MIS18BP1: variants seen among roughly 807,000 people sequenced by gnomAD.
MIS18BP1 encodes mis18-binding protein 1.
A neutral mutation model predicts 116.1 loss-of-function variants in MIS18BP1; 72 were observed. The observed-to-expected ratio is 0.62, with a 90% CI of 0.51 to 0.75. The LOEUF is 0.75. Ranked by LOEUF, MIS18BP1 falls within the 30% of genes least tolerant of loss-of-function variation. MIS18BP1 has a pLI of 0.00. For synonymous variants in MIS18BP1, 386 were observed against 427.0 expected, an observed-to-expected ratio of 0.90 and a Z score of 1.18; for missense variants, 1,363 against 1,303.2, an observed-to-expected ratio of 1.05 and a Z score of -0.71.
At chr14:45,220,388 C>A (rs559211469) in intron 11 of MIS18BP1, among the ~76,000 whole-genome samples, 1 of 152,102 alleles carries the variant, frequency 6.6e-6, no homozygotes, top group South Asian at 2.1e-4. Context: ...TGTGTCCCTA[C>A]CCAAGACTCA....
At chr14:45,221,305 C>T (rs751857506) in intron 11 of MIS18BP1, among the ~76,000 whole-genome samples, 3 of 151,904 alleles carry the variant, frequency 2.0e-5, no homozygotes, top group Non-Finnish European at 4.4e-5. Context: ...GGCGTGGTCG[C>T]GGGCGCCTGT....
intron 7 of MIS18BP1, 86 bp from the exon 8 acceptor site, chr14:45,231,384 C>T: frequency 8.2e-7 from 1 of 1,212,628 alleles, no homozygotes; most frequent in Non-Finnish European, 1.1e-6. Context: ...AATAAAAACC[C>T]CTCACATAAA....
intron 1 of MIS18BP1, among the ~76,000 whole-genome samples, chr14:45,251,977 T>C (rs1388441552): frequency 6.6e-6 from 1 of 152,230 alleles, no homozygotes; most frequent in Non-Finnish European, 1.5e-5. Flanking sequence ...ATTGCCGATA[T>C]TTACTGAATA....
chr14:45,240,188 AAAAC>A (rs1400436836), intron 4 of MIS18BP1, among the ~76,000 whole-genome samples: 1 of 151,910 alleles, frequency 6.6e-6, no homozygotes, highest in African/African-American at 2.4e-5. Flanking sequence ...TGTAGGTAGA[AAAAC>A]AATTTCTAGG....
At position 45,246,962 on chromosome 14, in the gene MIS18BP1, C is replaced by G. The variant is rs368740646; in HGVS notation, c.325G>C (p.Glu109Gln). Residue 109 changes from glutamate (E) to glutamine (Q), a missense_variant, in exon 2 of 17, where the codon GAA becomes CAA. Coordinates refer to ENST00000310806, the MANE Select transcript of MIS18BP1 (RefSeq NM_018353.5). The part of the protein sequence containing the change: ...KDGLKNKANY[E>Q]SPGKIFLRMK... ...CTTAGAAATATTTTTCCTGGTGATT[C>G]ATAGTTTGCTTTATTTTTTAATCCA... 1.9e-5 allele frequency: 30 copies of G among 1,607,788 alleles called. No homozygotes were observed. Among genetic ancestry groups the G allele is most frequent in the Non-Finnish European group, 2.5e-5 (30 of 1,178,640 alleles).
chr14:45,242,473 T>G lies in MIS18BP1; in HGVS notation c.704A>C (p.Glu235Ala). The G allele has an allele frequency of 6.3e-7, 1 of 1,598,940 alleles. No individual in the cohort carries two copies. Among genetic ancestry groups the G allele is most frequent in the Non-Finnish European group, 8.5e-7 (1 of 1,176,110 alleles). ...NQEQENFLAVEARNKTLTRAQ... is the reference protein window; with the variant it reads ...NQEQENFLAVAARNKTLTRAQ... The stretch of plus-strand genomic sequence containing the variant: ...TCTAGTTAATGTCTTGTTTCGGGCT[T>G]CTACAGCCAAAAAATTTTCCTGTTC... Residue 235 changes from glutamate (E) to alanine (A), a missense_variant, in exon 4 of 17, where the codon GAA becomes GCA. Glu to Ala is a moderately radical substitution (Grantham distance 107). Coordinates refer to ENST00000310806, the MANE Select transcript of MIS18BP1 (RefSeq NM_018353.5).
Position 45,224,704 on chromosome 14 carries a change from G to C in MIS18BP1, c.1883C>G (p.Ser628Ter), listed in dbSNP as rs1183551646. ...TTCATCTGAGAAAAACTGTTCCCTT[G>C]AGGTTAGAATATCAATGGATACATC... ...ELDVSIDILTSREQFFSDEER... is the reference protein window; with the variant it reads ...ELDVSIDILT Residue 628 changes from serine (S) to a stop codon, truncating the protein, a stop_gained, in exon 11 of 17, where the codon TCA (serine) becomes TGA (stop). Transcript: ENST00000310806. LOFTEE classifies it high-confidence loss of function. 6.2e-7 allele frequency: 1 copy of C among 1,605,766 alleles called. No individual in the cohort carries two copies. The highest frequency in any genetic ancestry group is 1.7e-5 in the Admixed American group (1 of 57,956).
intron 13 of MIS18BP1, 102 bp from the exon 14 acceptor site, chr14:45,210,630 C>G: frequency 1.4e-6 from 2 of 1,400,850 alleles, no homozygotes; most frequent in Non-Finnish European, 9.9e-7. Flanking sequence ...CTTCTTGTAA[C>G]TTTCCAAGTT....
rs773316526 is a variant in MIS18BP1 at position 45,247,079 on chromosome 14, TAAA to T, written c.205_207del (p.Phe69del). On this transcript the variant is annotated inframe_deletion, in exon 2 of 17. Transcript: ENST00000310806. Reference sequence around the variant, plus strand: ...GTTGATTGAAATATATTTTTATTGTTAAAAGTTGTCATTTTTAGGAACTGATTC... The same window carrying T: ...GTTGATTGAAATATATTTTTATTGTTAGTTGTCATTTTTAGGAACTGATTC... The T allele has an allele frequency of 2.5e-6, 4 of 1,612,742 alleles. No individual in the cohort carries two copies. Among genetic ancestry groups the T allele is most frequent in the Non-Finnish European group, 3.4e-6 (4 of 1,179,704 alleles).
Position 45,247,312 on chromosome 14 carries a change from T to C in MIS18BP1, c.-26A>G. On this transcript the variant is annotated 5_prime_UTR_variant, in exon 2 of 17. Coordinates refer to ENST00000310806, the MANE Select transcript of MIS18BP1 (RefSeq NM_018353.5). ...CTTGACAAGAAAGTAGCAACCAAGTTCTTCTAACAGAAAATTCACTTAAGC... is the reference window on the plus strand; with the variant it reads ...CTTGACAAGAAAGTAGCAACCAAGTCCTTCTAACAGAAAATTCACTTAAGC... 1 of 1,513,582 alleles carries C rather than the reference T, an allele frequency of 6.6e-7. No individual in the cohort carries two copies. The highest frequency in any genetic ancestry group is 2.3e-5 in the East Asian group (1 of 43,660). 93.8% of individuals were successfully genotyped at this position (1,513,582 alleles called of 1,614,324 possible).
intron 14 of MIS18BP1, among the ~76,000 whole-genome samples, chr14:45,209,247 A>G (rs573686418): frequency 6.6e-6 from 1 of 152,282 alleles, no homozygotes; most frequent in East Asian, 1.9e-4. Flanking sequence ...AAACAGTAGT[A>G]TATTATTCAC....
At position 45,242,205 on chromosome 14, in the gene MIS18BP1, T is replaced by G. The variant is rs746980135; in HGVS notation, c.972A>C (p.Lys324Asn). ...GAAGACCTGTCTCTCCAGGCACTGT[T>G]TTTCCATTTCCTTCCTTAACTTTCT... is the stretch of plus-strand genomic sequence containing the variant. ...SQQKVKEGNG[K>N]TVPGETGLPG... The change falls in exon 4 of 17, where the codon AAA becomes AAC. Residue 324 changes from lysine to asparagine, a missense_variant. Coordinates refer to ENST00000310806, the MANE Select transcript of MIS18BP1 (RefSeq NM_018353.5). 4.3e-6 allele frequency: 7 copies of G among 1,614,028 alleles called. No individual in the cohort carries two copies. In the Admixed American group the frequency reaches 1.0e-4, roughly 23 times the overall value.
intron 10 of MIS18BP1, among the ~76,000 whole-genome samples, chr14:45,225,552 G>A (rs1261499363): frequency 6.6e-6 from 1 of 152,144 alleles, no homozygotes; most frequent in East Asian, 1.9e-4. Flanking sequence ...TAGTTAGGAG[G>A]ACATGGAACT....
chr14:45,252,599 AT>A (rs971985893), intron 1 of MIS18BP1, among the ~76,000 whole-genome samples: 1 of 152,060 alleles, frequency 6.6e-6, no homozygotes, highest in Non-Finnish European at 1.5e-5. Context: ...GCGCCCGACC[AT>A]TTTCTAAATA....
chr14:45,210,339 C>A (rs1035675312), intron 14 of MIS18BP1, 41 bp downstream of exon 14: 7 of 1,592,662 alleles, frequency 4.4e-6, no homozygotes, highest in Non-Finnish European at 6.0e-6. Flanking sequence ...CCTCACTACT[C>A]TGATGCAGAG....
At chr14:45,211,416 A>G (rs1890669821) in intron 13 of MIS18BP1, among the ~76,000 whole-genome samples, 1 of 152,198 alleles carries the variant, frequency 6.6e-6, no homozygotes, top group Non-Finnish European at 1.5e-5. Flanking sequence ...TAATATTTCA[A>G]GATAAGCTGT....
intron 6 of MIS18BP1, 114 bp downstream of exon 6, chr14:45,235,700 T>C: frequency 1.2e-6 from 1 of 850,430 alleles, no homozygotes. Context: ...TGTTTTGATT[T>C]ATTCATAATT....
intron 13 of MIS18BP1, among the ~76,000 whole-genome samples, chr14:45,212,246 C>G (rs537692782): frequency 1.3e-5 from 2 of 152,294 alleles, no homozygotes; most frequent in Admixed American, 1.3e-4. Context: ...TAATCTCTCT[C>G]TCTCTTCCTC....
At position 45,235,950 on chromosome 14, in the gene MIS18BP1, A is replaced by G. The variant is rs780676958; in HGVS notation, c.1218-6T>C. The G allele has an allele frequency of 3.9e-6, 6 of 1,555,682 alleles. No homozygotes were observed. Among genetic ancestry groups the G allele is most frequent in the South Asian group, 2.4e-5 (2 of 83,790 alleles). On this transcript the variant is annotated splice_polypyrimidine_tract_variant and splice_region_variant and intron_variant, in intron 5 of 16. Coordinates refer to ENST00000310806, the MANE Select transcript of MIS18BP1 (RefSeq NM_018353.5). ...AATATATGTTAGTGACGTCTCTAGGAAAAAAAAATAGTTTTGGTAAGGTCA... is the reference window on the plus strand; with the variant it reads ...AATATATGTTAGTGACGTCTCTAGGGAAAAAAAATAGTTTTGGTAAGGTCA...
Sources: gnomAD v4.1 joint callset for allele counts (sites outside exome capture counted in the v4.1 genomes callset) on GRCh38, gnomAD v4.1.1 for gene constraint, MANE v1.5 for transcripts, NCBI Gene and HGNC (gene_info 2026-07-23, HGNC 2026-07-21) for gene names.